Variants in KNOP1 observed in about 807,000 individuals in gnomAD.
The protein encoded by KNOP1 is lysine-rich nucleolar protein 1.
Under a neutral mutation model 30.6 loss-of-function variants are expected in KNOP1, and 20 were observed. The ratio of observed to expected loss-of-function variants is 0.65; its 90% CI spans 0.46 to 0.95. KNOP1 has a LOEUF of 0.95. Among genes scored for constraint, KNOP1 ranks in the 40% least tolerant of loss-of-function variants. KNOP1 has a pLI of 0.00. For missense variants in KNOP1, 540 were observed against 562.0 expected (o/e 0.96, Z 0.40); for synonymous variants, 204 against 210.0 (o/e 0.97, Z 0.25).
chr16:19,702,155 G>A lies in KNOP1; in HGVS notation c.*4755C>T, dbSNP rs575651620. On this transcript the variant is annotated 3_prime_UTR_variant, in exon 5 of 5. Coordinates refer to ENST00000219837, the MANE Select transcript of KNOP1 (RefSeq NM_001012991.3). The stretch of plus-strand genomic sequence containing the variant: ...TGCGCCACCACACCCAGCTAATTTT[G>A]TATTTTTAGTAGAGATGGGGTTTCT... 1 of 152,042 alleles carries A rather than the reference G, an allele frequency of 6.6e-6. No homozygotes were observed. The highest frequency in any genetic ancestry group is 2.4e-5 in the African/African-American group (1 of 41,498). 9.4% of individuals were successfully genotyped at this position (152,042 alleles called of 1,614,324 possible). A position where few individuals can be genotyped will look rare whatever the true frequency, so the allele number is the denominator to read the frequency against.
chr16:19,710,914 A>C (rs1231573054), intron 3 of KNOP1, among the ~76,000 whole-genome samples: 3 of 79,124 alleles, frequency 3.8e-5, no homozygotes, highest in African/African-American at 4.7e-4. Context: ...TCCGTCTCAA[A>C]AAAAAAAAAA....
At chr16:19,711,279 C>T in intron 3 of KNOP1, 93 bp downstream of exon 3, 1 of 1,308,258 alleles carries the variant, frequency 7.6e-7, no homozygotes, top group Admixed American at 1.7e-5. Context: ...GCCCCTGAGA[C>T]CAGGATCACC....
At position 19,714,381 on chromosome 16, in the gene KNOP1, G is replaced by A. The variant is rs61741525; in HGVS notation, c.655C>T (p.His219Tyr). ...CCTGGGAGGGCATCTCCCTCCTGGT[G>A]GATTTTTTTTTTCTTCTTCACCTTC... ...NGKVKKKKKI[H>Y]QEGDALPGHS... The change falls in exon 2 of 5, where the codon CAC (histidine) becomes TAC (tyrosine). Residue 219 changes from histidine to tyrosine, a missense_variant. Physicochemically the swap from His to Tyr is moderately conservative, Grantham distance 83 (BLOSUM62 2). Transcript: ENST00000219837. The A allele has an allele frequency of 2.6e-3, 4,123 of 1,613,920 alleles. 6 individuals are homozygous for A. Among genetic ancestry groups the A allele is most frequent in the African/African-American group, 0.014 (1,018 of 74,962 alleles).
rs1976316171 is a variant in KNOP1, at chr16:19,705,400, T to C, written c.*1510A>G. 2.6e-6 allele frequency: 1 copy of C among 385,222 alleles called. No homozygotes were observed. The highest frequency in any genetic ancestry group is 5.2e-6 in the Non-Finnish European group (1 of 192,178). 23.9% of individuals were successfully genotyped at this position (385,222 alleles called of 1,614,324 possible). ...TGAGTGGAAAGAAGGTGGTCACAGA[T>C]GGTCACATGCGACTTGGGCCACTGG... On this transcript the variant is annotated 3_prime_UTR_variant, in exon 5 of 5. Coordinates refer to ENST00000219837, the MANE Select transcript of KNOP1 (RefSeq NM_001012991.3).
At chr16:19,712,360 T>C (rs1976765212) in intron 2 of KNOP1, among the ~76,000 whole-genome samples, 1 of 152,118 alleles carries the variant, frequency 6.6e-6, no homozygotes, top group African/African-American at 2.4e-5. Context: ...AACCGAGCAA[T>C]GGGTGGTCCA....
chr16:19,708,523 G>C (rs1391207652), intron 4 of KNOP1, among the ~76,000 whole-genome samples: 1 of 152,086 alleles, frequency 6.6e-6, no homozygotes, highest in Non-Finnish European at 1.5e-5. Context: ...ACATACGTCA[G>C]ATTTGACACC....
At position 19,702,093 on chromosome 16, in the gene KNOP1, C is replaced by A. The variant is rs113762949; in HGVS notation, c.*4817G>T. ...CCGCCTCCCGAGTCTAAGCAATTCT[C>A]CTGCCTCAGCCTCCTGAGTAGCTGG... On this transcript the variant is annotated 3_prime_UTR_variant, in exon 5 of 5. Transcript: ENST00000219837. The A allele has an allele frequency of 0.054, 8,155 of 152,006 alleles. 673 individuals are homozygous for A. Among genetic ancestry groups the A allele is most frequent in the African/African-American group, 0.18 (7,452 of 41,410 alleles). The allele number at this position is 152,006 out of a possible 1,614,324, so 9.4% of individuals were successfully genotyped here.
chr16:19,705,046 C>T lies in KNOP1; in HGVS notation c.*1864G>A, dbSNP rs959228171. 5.0e-6 allele frequency: 2 copies of T among 402,086 alleles called. No homozygotes were observed. The highest frequency in any genetic ancestry group is 1.0e-5 in the Non-Finnish European group (2 of 199,506). 24.9% of individuals were successfully genotyped at this position (402,086 alleles called of 1,614,324 possible). A position where few individuals can be genotyped will look rare whatever the true frequency, so the allele number is the denominator to read the frequency against. ...GCAGCTATGGGCAGATGACTCATTG[C>T]CCAGCAATGGAGGCTTCTGGAAGTT... On this transcript the variant is annotated 3_prime_UTR_variant, in exon 5 of 5. Transcript: ENST00000219837.
chr16:19,718,038 G>C, intron 1 of KNOP1, 120 bp downstream of exon 1: 14 of 1,393,346 alleles, frequency 1.0e-5, no homozygotes, highest in Non-Finnish European at 1.3e-5. Flanking sequence ...ACACCGACTG[G>C]AGGGGTCGGA....
In KNOP1 at chr16:19,706,901, C is replaced by CT; in HGVS notation, c.*8dup. ...TTGTGGCAGTTTTGGGGGGACAAAA[C>CT]TCTAGAGTTTAATCTTCCAGCTTGA... On this transcript the variant is annotated 3_prime_UTR_variant, in exon 5 of 5. Coordinates refer to ENST00000219837, the MANE Select transcript of KNOP1 (RefSeq NM_001012991.3). The CT allele has an allele frequency of 6.2e-7, 1 of 1,610,806 alleles. No homozygotes were observed. The highest frequency in any genetic ancestry group is 8.5e-7 in the Non-Finnish European group (1 of 1,179,546).
At chr16:19,717,045 G>T (rs927469859) in intron 1 of KNOP1, among the ~76,000 whole-genome samples, 1 of 151,746 alleles carries the variant, frequency 6.6e-6, no homozygotes, top group African/African-American at 2.4e-5. Context: ...GTTTTACTAT[G>T]TTGGCCAGGC....
chr16:19,714,510 C>T lies in KNOP1; in HGVS notation c.526G>A (p.Glu176Lys). ...CAAGTGTCCCCAACATCCCTGGCCTCCCTGGCCTCACAGAACCAAGGGTCC... is the reference window on the plus strand; with the variant it reads ...CAAGTGTCCCCAACATCCCTGGCCTTCCTGGCCTCACAGAACCAAGGGTCC... ...VQDPWFCEAREARDVGDTCSV... is the reference protein window; with the variant it reads ...VQDPWFCEARKARDVGDTCSV... Residue 176 changes from glutamate (E) to lysine (K), a missense_variant, in exon 2 of 5, where the codon GAG becomes AAG. Physicochemically the swap from Glu to Lys is moderately conservative, Grantham distance 56 (BLOSUM62 1). Coordinates refer to ENST00000219837, the MANE Select transcript of KNOP1 (RefSeq NM_001012991.3). 6.2e-7 allele frequency: 1 copy of T among 1,614,142 alleles called. No individual in the cohort carries two copies.
chr16:19,717,635 C>G, intron 1 of KNOP1: 1 of 985,780 alleles, frequency 1.0e-6, no homozygotes, highest in Non-Finnish European at 1.2e-6. Context: ...AGGAAAAGAA[C>G]GTTACAGTGC....
intron 1 of KNOP1, chr16:19,717,393 A>C (rs1484449006): frequency 2.0e-6 from 2 of 985,490 alleles, no homozygotes; most frequent in Non-Finnish European, 2.4e-6. Flanking sequence ...ACTTCAGAAT[A>C]GGGGAGCAGT....
chr16:19,717,573 G>C (rs1183295395), intron 1 of KNOP1: 2 of 985,370 alleles, frequency 2.0e-6, no homozygotes, highest in Non-Finnish European at 2.4e-6. Context: ...GAAAAGTATA[G>C]CATCCTCCTC....
In KNOP1 at chr16:19,715,159, T is replaced by TG. The variant is rs1976962139; in HGVS notation, c.-2-123dup. 6.2e-6 allele frequency: 4 copies of TG among 644,682 alleles called. No individual in the cohort carries two copies. The Admixed American group carries it at 1.3e-4, about 20-fold the overall frequency. 39.9% of individuals were successfully genotyped at this position (644,682 alleles called of 1,614,324 possible). On this transcript the variant is annotated intron_variant, in intron 1 of 4. Transcript: ENST00000219837. ...TCAAAGCGTTGTGGGACAGGGAAAA[T>TG]GGACATGATTCCTTTAAAGCAAAAA...
chr16:19,710,666 T>C (rs1241024252), intron 3 of KNOP1, 80 bp from the exon 4 acceptor site: 10 of 1,189,768 alleles, frequency 8.4e-6, no homozygotes, highest in Non-Finnish European at 1.2e-5. Context: ...GAGACGGGGC[T>C]GGGGGAACGG....
At chr16:19,717,336 G>C (rs1345104496) in intron 1 of KNOP1, 1 of 985,280 alleles carries the variant, frequency 1.0e-6, no homozygotes, top group Non-Finnish European at 1.2e-6. Flanking sequence ...AGCTTGCAAA[G>C]AAGAAGGTGC....
chr16:19,712,158 G>A (rs1355468253), intron 2 of KNOP1: 1 of 152,204 alleles, frequency 6.6e-6, no homozygotes, highest in Non-Finnish European at 1.5e-5. Context: ...CTGGGAGAAG[G>A]GATTCTAGAG....
Sources: gnomAD v4.1 joint callset for allele counts (sites outside exome capture counted in the v4.1 genomes callset) on GRCh38, gnomAD v4.1.1 for gene constraint, MANE v1.5 for transcripts, NCBI Gene and HGNC (gene_info 2026-07-23, HGNC 2026-07-21) for gene names.